EPN2: variants seen among roughly 807,000 people sequenced by gnomAD.
The protein encoded by EPN2 is epsin-2.
EPN2 carries 34 observed loss-of-function variants against 61.7 expected under a neutral mutation model. The ratio of observed to expected loss-of-function variants is 0.55; its 90% CI spans 0.42 to 0.73. The LOEUF is 0.73. Ranked by LOEUF, EPN2 falls within the 30% of genes least tolerant of loss-of-function variation. EPN2 has a pLI of 0.00. For synonymous variants in EPN2, 349 were observed against 353.6 expected (o/e 0.99, Z 0.15); for missense variants, 714 against 839.2 (o/e 0.85, Z 1.84).
At chr17:19,322,564 G>A in intron 7 of EPN2, among the ~76,000 whole-genome samples, 1 of 137,026 alleles carries the variant, frequency 7.3e-6, no homozygotes, top group East Asian at 2.1e-4. Flanking sequence ...AACATAGGGA[G>A]ACCCCATCTT....
At chr17:19,298,660 G>A (rs571206361) in intron 4 of EPN2, among the ~76,000 whole-genome samples, 23 of 152,286 alleles carry the variant, frequency 1.5e-4, no homozygotes, top group African/African-American at 5.5e-4. Context: ...ACCCGCTACC[G>A]AGCCCAGCAA....
chr17:19,243,478 C>T lies in EPN2; in HGVS notation c.-294+5947C>T, dbSNP rs528336700. ...CGCGATCTCAGCTCACTGCAAGCTC[C>T]GCCTCCCGGGTTCACGCCATTCTCC... On this transcript the variant is annotated intron_variant, in intron 1 of 10. Transcript: ENST00000314728. Among the ~76,000 whole-genome samples the T allele has an allele frequency of 4.0e-5, 6 of 150,056 alleles. No individual in the cohort carries two copies. The South Asian group carries it at 1.3e-3, about 32-fold the overall frequency.
At chr17:19,245,185 AC>A in intron 1 of EPN2, among the ~76,000 whole-genome samples, 1 of 152,216 alleles carries the variant, frequency 6.6e-6, no homozygotes, top group South Asian at 2.1e-4. Flanking sequence ...TACAGCAGGG[AC>A]CTAGGGCTAC....
At chr17:19,312,014 T>A (rs1567864372) in intron 5 of EPN2, 38 bp from the exon 6 acceptor site, 2 of 1,332,092 alleles carry the variant, frequency 1.5e-6, no homozygotes, top group Non-Finnish European at 2.2e-6. Flanking sequence ...TGTACAGTGA[T>A]GTTATTACAA....
chr17:19,277,288 C>T (rs1214961527), intron 1 of EPN2, among the ~76,000 whole-genome samples: 1 of 150,920 alleles, frequency 6.6e-6, no homozygotes, highest in Admixed American at 6.7e-5. Flanking sequence ...ATAATCCCAG[C>T]TACTTGGGTG....
At chr17:19,314,182 T>C (rs964737556) in intron 7 of EPN2, among the ~76,000 whole-genome samples, 1 of 152,196 alleles carries the variant, frequency 6.6e-6, no homozygotes, top group Non-Finnish European at 1.5e-5. Context: ...ATTGTCCCTG[T>C]TGTCTGTTGT....
chr17:19,255,359 C>A (rs527534089), intron 1 of EPN2, among the ~76,000 whole-genome samples: 13 of 152,138 alleles, frequency 8.5e-5, no homozygotes, highest in African/African-American at 2.9e-4. Flanking sequence ...ATGTGACCTG[C>A]ACTTTGGGTT....
At chr17:19,332,750 T>C (rs1325841038) in intron 10 of EPN2, among the ~76,000 whole-genome samples, 2 of 152,242 alleles carry the variant, frequency 1.3e-5, no homozygotes, top group African/African-American at 4.8e-5. Flanking sequence ...TCTTCCCTAA[T>C]GAAAGCATCT....
rs1410447728 is a variant in EPN2 at position 19,283,215 on chromosome 17, G to A, written c.96G>A (p.Pro32=). The change falls in exon 3 of 11, where the codon CCG becomes CCA. Residue 32 remains proline (P), a synonymous_variant. Transcript: ENST00000314728. This position sits in a 1 kb window ranked among gnomAD's most constrained non-coding sequence, Gnocchi z 7.0. ...TCCGGGAAGCCACCTCCAATGACCC[G>A]TGGGGCCCGTCCAGTTCTCTGATGA... ...IKVREATSND[P]WGPSSSLMTE... 1.2e-5 allele frequency: 20 copies of A among 1,614,178 alleles called. No homozygotes were observed. In the South Asian group the frequency reaches 1.3e-4, roughly 11 times the overall value.
At chr17:19,312,941 CG>C in intron 6 of EPN2, 163 bp from the exon 7 acceptor site, 1 of 671,024 alleles carries the variant, frequency 1.5e-6, no homozygotes, top group Non-Finnish European at 2.6e-6. Flanking sequence ...GCTGGCTGGA[CG>C]GGGAGGGAGA....
intron 4 of EPN2, among the ~76,000 whole-genome samples, chr17:19,294,408 A>G (rs2045495206): frequency 6.6e-6 from 1 of 152,256 alleles, no homozygotes; most frequent in African/African-American, 2.4e-5. Flanking sequence ...TGACAAAGCG[A>G]GACCCTTTCT....
At chr17:19,286,296 A>G (rs565490700) in intron 4 of EPN2, among the ~76,000 whole-genome samples, 11 of 152,254 alleles carry the variant, frequency 7.2e-5, no homozygotes, top group Non-Finnish European at 1.3e-4. Flanking sequence ...TTGCTTCCCA[A>G]TTAACTGCTG....
At chr17:19,305,942 T>C (rs1354339792) in intron 4 of EPN2, 2 of 152,246 alleles carry the variant, frequency 1.3e-5, no homozygotes, top group Non-Finnish European at 2.9e-5. Flanking sequence ...GGCCTACCTG[T>C]GGTTACAGTT....
intron 8 of EPN2, chr17:19,329,181 C>T (rs2152239620): frequency 4.5e-6 from 2 of 441,730 alleles, no homozygotes; most frequent in South Asian, 8.9e-5. Flanking sequence ...GTCCTCACCC[C>T]TGGGGGGCTG....
chr17:19,252,792 C>T (rs1270375456), intron 1 of EPN2, among the ~76,000 whole-genome samples: 1 of 152,192 alleles, frequency 6.6e-6, no homozygotes, highest in African/African-American at 2.4e-5. Context: ...TGGGCTCAAG[C>T]CATCCTCCCA....
In EPN2 at chr17:19,285,660, C is replaced by T; in HGVS notation, c.636C>T (p.Ala212=). 1 of 1,569,424 alleles carries T rather than the reference C, an allele frequency of 6.4e-7. No homozygotes were observed. Among genetic ancestry groups the T allele is most frequent in the Non-Finnish European group, 8.6e-7 (1 of 1,158,168 alleles). Residue 212 remains alanine, a synonymous_variant, in exon 4 of 11, where the codon GCC becomes GCT. Coordinates refer to ENST00000314728, the MANE Select transcript of EPN2 (RefSeq NM_014964.5). The surrounding 1 kb of genome is among the most constrained non-coding windows in gnomAD (Gnocchi z 4.5). ...TGTGCCCCCAGCACCGCACAGGGGC[C>T]CCGCTGGGTCAGAGTGAGGAGCTGC... ...ASLCPQHRTG[A]PLGQSEELQP... is the part of the protein sequence containing the mutation.
intron 4 of EPN2, among the ~76,000 whole-genome samples, chr17:19,291,958 C>G (rs905984733): frequency 3.9e-5 from 6 of 152,244 alleles, no homozygotes; most frequent in Admixed American, 3.3e-4. Flanking sequence ...TGCGCACACA[C>G]AGACACATGT....
At position 19,334,052 on chromosome 17, in the gene EPN2, C is replaced by T; in HGVS notation, c.1724C>T (p.Thr575Ile). The change falls in exon 11 of 11, where the codon ACC (threonine) becomes ATC (isoleucine). Residue 575 changes from threonine (T) to isoleucine (I), a missense_variant. By Grantham distance (89) the Thr-to-Ile change is moderately conservative. Transcript: ENST00000314728. The surrounding 1 kb of genome is among the most constrained non-coding windows in gnomAD (Gnocchi z 4.9). ...NQLRGSPVLG[T>I]STSFGPGPGV... is the part of the protein sequence containing the mutation. ...CTTCGGGGGAGCCCAGTCCTGGGGACCAGCACATCCTTTGGGCCTGGCCCA... is the reference window on the plus strand; with the variant it reads ...CTTCGGGGGAGCCCAGTCCTGGGGATCAGCACATCCTTTGGGCCTGGCCCA... 6.2e-7 allele frequency: 1 copy of T among 1,608,724 alleles called. No individual in the cohort carries two copies.
chr17:19,271,157 A>AG (rs1000797447), intron 1 of EPN2, among the ~76,000 whole-genome samples: 5 of 150,492 alleles, frequency 3.3e-5, no homozygotes, highest in Non-Finnish European at 7.4e-5. Flanking sequence ...CCTTGGTCTC[A>AG]GGGGGGTGGT....
Sources: allele counts gnomAD v4.1 joint callset (sites outside exome capture counted in the v4.1 genomes callset), GRCh38; gene constraint gnomAD v4.1.1; non-coding constraint Gnocchi (gnomAD v3.1); transcripts MANE v1.5; gene names NCBI Gene and HGNC (gene_info 2026-07-23, HGNC 2026-07-21).